Variants in EYS observed in about 807,000 individuals in gnomAD.
The protein encoded by EYS is protein eyes shut homolog.
In EYS, 250 loss-of-function variants were observed where a neutral mutation model predicts 282.1. The observed-to-expected ratio is 0.89, with a 90% CI of 0.80 to 0.98. EYS has a LOEUF of 0.98. Ranked by LOEUF, EYS falls within the 50% of genes least tolerant of loss-of-function variation. The pLI is 0.00. For synonymous variants in EYS, 1,355 were observed against 1,282.9 expected (o/e 1.06, Z -1.20); for missense variants, 4,016 against 3,709.0 (o/e 1.08, Z -2.15).
chr6:64,648,900 T>C (rs894904369), intron 22 of EYS, among the ~76,000 whole-genome samples: 7 of 152,218 alleles, frequency 4.6e-5, no homozygotes, highest in African/African-American at 9.6e-5. Context: ...ACCAAGGTTA[T>C]ATAATTGAAT....
chr6:64,335,503 G>A (rs557404708), intron 29 of EYS, among the ~76,000 whole-genome samples: 27 of 152,146 alleles, frequency 1.8e-4, no homozygotes, highest in Middle Eastern at 3.4e-3. Context: ...TCTGTAACTC[G>A]CTTCCTGTCT....
intron 12 of EYS, among the ~76,000 whole-genome samples, chr6:65,280,810 G>T (rs189460201): frequency 6.2e-4 from 93 of 150,510 alleles, no homozygotes; most frequent in African/African-American, 2.1e-3. Context: ...CTGAGGTCAG[G>T]AGTTCGAGAC....
intron 12 of EYS, among the ~76,000 whole-genome samples, chr6:65,289,042 A>T (rs1291857658): frequency 1.3e-5 from 2 of 151,078 alleles, no homozygotes; most frequent in Admixed American, 1.3e-4. Context: ...AATAAAAAAC[A>T]AATAGTGTTG....
chr6:64,918,820 TAAATC>T (rs1768243942), intron 15 of EYS, among the ~76,000 whole-genome samples: 1 of 152,164 alleles, frequency 6.6e-6, no homozygotes, highest in African/African-American at 2.4e-5. Context: ...TGTAACAACT[TAAATC>T]AAATAAATTG....
intron 35 of EYS, among the ~76,000 whole-genome samples, chr6:63,981,188 T>C (rs1459606070): frequency 6.6e-6 from 1 of 151,818 alleles, no homozygotes; most frequent in Non-Finnish European, 1.5e-5. Flanking sequence ...GTACATTTTC[T>C]GGTTCTCCTT....
chr6:64,802,024 T>TTTTTTTG (rs1562199397), intron 22 of EYS, among the ~76,000 whole-genome samples: 2 of 79,052 alleles, frequency 2.5e-5, no homozygotes, highest in African/African-American at 1.2e-4. Flanking sequence ...TTTCTTTTTC[T>TTTTTTTG]TTTTTTTTCT....
At chr6:63,989,722 C>T (rs1250216951) in intron 34 of EYS, among the ~76,000 whole-genome samples, 3 of 151,328 alleles carry the variant, frequency 2.0e-5, no homozygotes, top group Admixed American at 6.6e-5. Flanking sequence ...CCTCTTTCCC[C>T]GTGTTATGCT....
chr6:65,110,651 T>G (rs1247331097), intron 12 of EYS, among the ~76,000 whole-genome samples: 1 of 152,200 alleles, frequency 6.6e-6, no homozygotes, highest in Middle Eastern at 3.4e-3. Context: ...GATGCAAACA[T>G]TCATCATATT....
intron 20 of EYS, among the ~76,000 whole-genome samples, chr6:64,821,927 T>C (rs1383914483): frequency 6.6e-6 from 1 of 152,026 alleles, no homozygotes; most frequent in Non-Finnish European, 1.5e-5. Flanking sequence ...ATTTTTGCCA[T>C]TTTCCCCATG....
At position 64,970,350 on chromosome 6, in the gene EYS, C is replaced by T. The variant is rs966832970; in HGVS notation, c.2260-24436G>A. On this transcript the variant is annotated intron_variant, in intron 14 of 42. Coordinates refer to ENST00000503581, the MANE Select transcript of EYS (RefSeq NM_001142800.2). ...GTAGCTGGGATTACAGGCATGGGCTCCTATGCCCGGCTAATTTTTATATTT... is the reference window on the plus strand; with the variant it reads ...GTAGCTGGGATTACAGGCATGGGCTTCTATGCCCGGCTAATTTTTATATTT... 4.6e-5 allele frequency among the ~76,000 whole-genome samples: 7 copies of T among 152,114 alleles called. No individual in the cohort carries two copies. In the East Asian group the frequency reaches 1.4e-3, roughly 30 times the overall value.
intron 33 of EYS, among the ~76,000 whole-genome samples, chr6:64,003,494 C>T (rs527944110): frequency 6.6e-6 from 1 of 152,070 alleles, no homozygotes; most frequent in South Asian, 2.1e-4. Context: ...TTGATGGATA[C>T]CCCATTTAAA....
At chr6:65,646,902 C>A (rs1452148848) in intron 1 of EYS, among the ~76,000 whole-genome samples, 1 of 151,874 alleles carries the variant, frequency 6.6e-6, no homozygotes, top group Non-Finnish European at 1.5e-5. Flanking sequence ...AAATTAAGAA[C>A]CACTTTTACA....
intron 39 of EYS, among the ~76,000 whole-genome samples, chr6:63,778,603 A>G (rs1214238379): frequency 6.6e-6 from 1 of 152,190 alleles, no homozygotes; most frequent in Admixed American, 6.5e-5. Context: ...ACCTATAATT[A>G]TTATACCATT....
chr6:64,222,953 A>C (rs530154659), intron 31 of EYS, among the ~76,000 whole-genome samples: 44 of 152,088 alleles, frequency 2.9e-4, no homozygotes, highest in Admixed American at 1.1e-3. Flanking sequence ...TTTAAAAAAA[A>C]CTCATAAAAA....
chr6:65,511,631 T>C (rs1474826241), intron 2 of EYS, among the ~76,000 whole-genome samples: 1 of 152,120 alleles, frequency 6.6e-6, no homozygotes, highest in Admixed American at 6.6e-5. Context: ...TTCCAATTTA[T>C]GGATTAGCAA....
chr6:65,476,109 T>C (rs1765395451), intron 5 of EYS, among the ~76,000 whole-genome samples: 1 of 152,120 alleles, frequency 6.6e-6, no homozygotes, highest in South Asian at 2.1e-4. Flanking sequence ...AAAGGCATGA[T>C]TGAATTAGAG....
Position 65,335,121 on chromosome 6 carries a change from A to T in EYS, c.1625T>A (p.Leu542Ter). 6.2e-7 allele frequency: 1 copy of T among 1,611,496 alleles called. No homozygotes were observed. The stretch of plus-strand genomic sequence containing the variant: ...ATATTCCTGACTGTCTTCTTCACTC[A>T]AACAACTGCATCCATTTGCACAAAT... ...KEICANGCSCLSEEDSQEYRY... is the reference protein window; with the variant it reads ...KEICANGCSC Residue 542 changes from leucine to a stop codon, truncating the protein, a stop_gained, in exon 11 of 43, where the codon TTG becomes TAG. Coordinates refer to ENST00000503581, the MANE Select transcript of EYS (RefSeq NM_001142800.2). LOFTEE classifies it high-confidence loss of function.
intron 1 of EYS, among the ~76,000 whole-genome samples, chr6:65,683,364 A>C (rs945257614): frequency 6.6e-6 from 1 of 151,358 alleles, no homozygotes; most frequent in Non-Finnish European, 1.5e-5. Flanking sequence ...TCCAGCAATG[A>C]AAAACTATCC....
At chr6:65,631,004 T>C (rs1023946344) in intron 2 of EYS, among the ~76,000 whole-genome samples, 14 of 152,232 alleles carry the variant, frequency 9.2e-5, no homozygotes, top group African/African-American at 3.4e-4. Flanking sequence ...TGGTTGTAAA[T>C]ATTTGACTGA....
Sources: gnomAD v4.1 joint callset for allele counts (sites outside exome capture counted in the v4.1 genomes callset) on GRCh38, gnomAD v4.1.1 for gene constraint, MANE v1.5 for transcripts, NCBI Gene and HGNC (gene_info 2026-07-23, HGNC 2026-07-21) for gene names.